The following WDR70 variants were observed in gnomAD, a reference collection of about 807,000 sequenced individuals.
WDR70 encodes WD repeat domain 70.
Under a neutral mutation model 88.6 loss-of-function variants are expected in WDR70, and 53 were observed. The observed-to-expected ratio is 0.60, with a 90% confidence interval of 0.48 to 0.75. The LOEUF is 0.75. Ranked by LOEUF, WDR70 falls within the 30% of genes least tolerant of loss-of-function variation. WDR70 has a pLI of 0.00. For missense variants in WDR70, 610 were observed against 823.2 expected, an observed-to-expected ratio of 0.74 and a Z score of 3.17; for synonymous variants, 280 against 270.0, an observed-to-expected ratio of 1.04 and a Z score of -0.36.
chr5:37,431,367 T>C (rs1310217493), intron 5 of WDR70, among the ~76,000 whole-genome samples: 2 of 152,146 alleles, frequency 1.3e-5, no homozygotes, highest in Non-Finnish European at 2.9e-5. Flanking sequence ...TAAGATCTCT[T>C]ATATAATTCC....
At chr5:37,612,070 A>G (rs1295823201) in intron 10 of WDR70, among the ~76,000 whole-genome samples, 2 of 152,172 alleles carry the variant, frequency 1.3e-5, no homozygotes, top group African/African-American at 4.8e-5. Flanking sequence ...TAGGTGTTCA[A>G]GTTAAAGTAG....
chr5:37,654,813 C>T (rs1290948738), intron 10 of WDR70, among the ~76,000 whole-genome samples: 1 of 152,156 alleles, frequency 6.6e-6, no homozygotes, highest in Non-Finnish European at 1.5e-5. Context: ...AATATTTCTC[C>T]ATCCCTTTAT....
chr5:37,443,414 G>A lies in WDR70; in HGVS notation c.686+42G>A, dbSNP rs770062716. ...TTAATATCTTCATATTTGACCTAATGTCTTCACATTGGAAGACAGTGCTGT... is the reference window on the plus strand; with the variant it reads ...TTAATATCTTCATATTTGACCTAATATCTTCACATTGGAAGACAGTGCTGT... On this transcript the variant is annotated intron_variant, in intron 7 of 17. Transcript: ENST00000265107. The A allele has an allele frequency of 6.2e-6, 10 of 1,608,596 alleles. No homozygotes were observed. The African/African-American group carries it at 1.1e-4, about 17-fold the overall frequency.
At chr5:37,680,879 A>C (rs1746410641) in intron 10 of WDR70, among the ~76,000 whole-genome samples, 1 of 152,154 alleles carries the variant, frequency 6.6e-6, no homozygotes, top group Non-Finnish European at 1.5e-5. Context: ...TTGGCTATTC[A>C]TGCTCTTTTT....
Position 37,697,744 on chromosome 5 carries a change from C to G in WDR70, c.1182C>G (p.Ala394=), listed in dbSNP as rs376611202. 5 of 1,613,318 alleles carry G rather than the reference C, an allele frequency of 3.1e-6. No individual in the cohort carries two copies. Among genetic ancestry groups the G allele is most frequent in the Non-Finnish European group, 4.2e-6 (5 of 1,179,376 alleles). The part of the protein sequence containing the change: ...VTFSYDGNVL[A]SRGGDDSLKL... The stretch of plus-strand genomic sequence containing the variant: ...TTTCCTATGATGGTAATGTCCTTGC[C>G]TCTCGTGGAGGTAGGTTAAAAGCTT... Residue 394 remains alanine, a synonymous_variant, in exon 11 of 18, where the codon GCC becomes GCG. Coordinates refer to ENST00000265107, the MANE Select transcript of WDR70 (RefSeq NM_018034.4).
chr5:37,544,867 G>T (rs1431764023), intron 9 of WDR70, among the ~76,000 whole-genome samples: 1 of 152,078 alleles, frequency 6.6e-6, no homozygotes, highest in Non-Finnish European at 1.5e-5. Flanking sequence ...AGGCTGCTAG[G>T]CAGATATCAT....
intron 17 of WDR70, among the ~76,000 whole-genome samples, chr5:37,750,481 C>A (rs1161816553): frequency 6.6e-6 from 1 of 152,148 alleles, no homozygotes; most frequent in African/African-American, 2.4e-5. Context: ...TTACAGTGAG[C>A]TATGATTGTG....
At chr5:37,528,592 A>T (rs927433718) in intron 9 of WDR70, among the ~76,000 whole-genome samples, 1 of 152,056 alleles carries the variant, frequency 6.6e-6, no homozygotes, top group Non-Finnish European at 1.5e-5. Flanking sequence ...ACAAACCTGC[A>T]CGTTGTACAC....
At chr5:37,724,854 C>A in intron 15 of WDR70, 80 bp from the exon 16 acceptor site, 1 of 1,230,878 alleles carries the variant, frequency 8.1e-7, no homozygotes, top group Non-Finnish European at 1.2e-6. Context: ...TTTCATCTTT[C>A]AGTTAGTCAT....
chr5:37,620,749 T>C (rs1744485416), intron 10 of WDR70, among the ~76,000 whole-genome samples: 1 of 152,166 alleles, frequency 6.6e-6, no homozygotes, highest in South Asian at 2.1e-4. Context: ...TCAAATATAA[T>C]TTGATCTTTT....
chr5:37,639,011 A>C (rs9885097), intron 10 of WDR70, among the ~76,000 whole-genome samples: 1 of 152,186 alleles, frequency 6.6e-6, no homozygotes, highest in African/African-American at 2.4e-5. Context: ...GCAAAATTAG[A>C]CTATTCACTG....
At chr5:37,522,066 A>G (rs967536052) in intron 9 of WDR70, among the ~76,000 whole-genome samples, 10 of 152,164 alleles carry the variant, frequency 6.6e-5, no homozygotes, top group African/African-American at 2.4e-4. Context: ...GGCCATTATT[A>G]CAGGAGTGAA....
chr5:37,461,239 C>T (rs1738994635), intron 7 of WDR70, among the ~76,000 whole-genome samples: 1 of 151,910 alleles, frequency 6.6e-6, no homozygotes, highest in South Asian at 2.1e-4. Context: ...GTTTGCTGAC[C>T]CTACTGTAAA....
At chr5:37,674,680 C>T (rs1444881063) in intron 10 of WDR70, among the ~76,000 whole-genome samples, 1 of 152,102 alleles carries the variant, frequency 6.6e-6, no homozygotes, top group African/African-American at 2.4e-5. Context: ...GTGAATAGTC[C>T]CGCAATAAAC....
At chr5:37,488,566 T>C (rs769658321) in intron 8 of WDR70, among the ~76,000 whole-genome samples, 34 of 151,574 alleles carry the variant, frequency 2.2e-4, no homozygotes, top group Non-Finnish European at 5.9e-5. Flanking sequence ...TGAAATTCTT[T>C]CTTGTGCTTG....
intron 9 of WDR70, among the ~76,000 whole-genome samples, chr5:37,555,721 G>A (rs1044460094): frequency 1.7e-5 from 1 of 57,172 alleles, no homozygotes; most frequent in African/African-American, 3.3e-5. Flanking sequence ...TTTTTGTTTT[G>A]TTTTGTTTTG....
intron 9 of WDR70, among the ~76,000 whole-genome samples, chr5:37,532,482 G>A (rs1008642427): frequency 6.6e-6 from 1 of 152,022 alleles, no homozygotes; most frequent in Non-Finnish European, 1.5e-5. Flanking sequence ...TGTCCTTGAT[G>A]GATTGGGTTA....
intron 5 of WDR70, among the ~76,000 whole-genome samples, chr5:37,401,046 T>A (rs751108005): frequency 1.3e-5 from 2 of 152,014 alleles, no homozygotes; most frequent in Admixed American, 6.6e-5. Context: ...TCACCCAGGC[T>A]GGAGTACAGT....
intron 10 of WDR70, among the ~76,000 whole-genome samples, chr5:37,671,571 A>G (rs1424491437): frequency 6.6e-6 from 1 of 152,128 alleles, no homozygotes. Context: ...TCTTTCTATT[A>G]ATATTTTCTC....
Sources: allele counts gnomAD v4.1 joint callset (sites outside exome capture counted in the v4.1 genomes callset), GRCh38; gene constraint gnomAD v4.1.1; transcripts MANE v1.5; gene names NCBI Gene and HGNC (gene_info 2026-07-23, HGNC 2026-07-21).